COL5A1: variants seen among roughly 807,000 people sequenced by gnomAD.
The protein encoded by COL5A1 is collagen alpha-1(V) chain.
COL5A1 carries 16 observed loss-of-function variants against 263.7 expected under a neutral mutation model. The ratio of observed to expected loss-of-function variants is 0.06; its 90% CI spans 0.04 to 0.09. The LOEUF (loss-of-function observed/expected upper bound fraction) is 0.09, where lower values mean the gene tolerates loss of function less well. Ranked by LOEUF, COL5A1 falls within the 10% of genes least tolerant of loss-of-function variation. The pLI is 1.00. For missense variants in COL5A1, 2,036 were observed against 2,540.5 expected (o/e 0.80, Z 4.27); for synonymous variants, 1,012 against 1,004.5 (o/e 1.01, Z -0.14).
chr9:134,826,670 TGTATGGGTGGTGGATGG>T (rs1839280212), intron 63 of COL5A1, among the ~76,000 whole-genome samples: 1 of 142,428 alleles, frequency 7.0e-6, no homozygotes, highest in African/African-American at 2.9e-5. Flanking sequence ...GATGGGTGTG[TGTATGGGTGGTGGATGG>T]GTGCGTGTGG....
At chr9:134,708,332 A>G (rs554424793) in intron 4 of COL5A1, 91 of 318,194 alleles carry the variant, frequency 2.9e-4, no homozygotes, top group African/African-American at 1.9e-3. Flanking sequence ...TCTCGGAGGC[A>G]GTGTGTGCCT....
At position 134,843,633 on chromosome 9, in the gene COL5A1, A is replaced by G. The variant is rs916439449; in HGVS notation, c.*1330A>G. The G allele has an allele frequency of 1.2e-4, 18 of 152,660 alleles. No individual in the cohort carries two copies. The highest frequency in any genetic ancestry group is 3.9e-4 in the African/African-American group (16 of 41,454). The allele number at this position is 152,660 out of a possible 1,614,324, so 9.5% of individuals were successfully genotyped here. A position where few individuals can be genotyped will look rare whatever the true frequency, so the allele number is the denominator to read the frequency against. ...CTGGGTTGTGCCTACTTGATTTGAA[A>G]ACACACACAAGCAATAAAAAGCCTC... On this transcript the variant is annotated 3_prime_UTR_variant, in exon 66 of 66. Coordinates refer to ENST00000371817, the MANE Select transcript of COL5A1 (RefSeq NM_000093.5).
intron 1 of COL5A1, among the ~76,000 whole-genome samples, chr9:134,665,475 T>A (rs531029943): frequency 2.6e-5 from 4 of 152,326 alleles, no homozygotes; most frequent in African/African-American, 9.6e-5. Context: ...CCATCTCTAC[T>A]CAAAGAAAAG....
intron 1 of COL5A1, among the ~76,000 whole-genome samples, chr9:134,651,578 T>C (rs924672851): frequency 6.6e-6 from 1 of 152,250 alleles, no homozygotes; most frequent in African/African-American, 2.4e-5. Flanking sequence ...AGCTGTAGTT[T>C]CGTCTTTCTT....
intron 9 of COL5A1, 29 bp from the exon 10 acceptor site, chr9:134,738,445 T>C (rs1378714201): frequency 8.1e-6 from 13 of 1,613,824 alleles, no homozygotes; most frequent in Non-Finnish European, 1.1e-5. Flanking sequence ...TGGGCTGCGG[T>C]CTCAGACGCC....
intron 1 of COL5A1, among the ~76,000 whole-genome samples, chr9:134,670,400 G>A (rs773825673): frequency 6.6e-6 from 1 of 152,196 alleles, no homozygotes; most frequent in Non-Finnish European, 1.5e-5. Context: ...TGTGCCCCAG[G>A]CAGTGTTATC....
chr9:134,760,554 GCACATACACACCCACACAC>G (rs1836347636), intron 18 of COL5A1, among the ~76,000 whole-genome samples: 15 of 40,720 alleles, frequency 3.7e-4, no homozygotes, highest in Admixed American at 3.3e-3. Flanking sequence ...ACACACACAC[GCACATACACACCCACACAC>G]CCCCACACTC....
rs1223964610 is a variant in COL5A1 at position 134,750,821 on chromosome 9, C to A, written c.1601C>A (p.Ser534Tyr). The change falls in exon 13 of 66, where the codon TCC (serine) becomes TAC (tyrosine). Residue 534 changes from serine (S) to tyrosine (Y), a missense_variant. Ser to Tyr is a moderately radical substitution (Grantham distance 144, BLOSUM62 -2). Transcript: ENST00000371817. The stretch of plus-strand genomic sequence containing the variant: ...TTTGGAGGTGGCGGCGATGCGGGCT[C>A]CAAAGGCCCCATGGTCTCAGCCCAG... ...FRFGGGGDAG[S>Y]KGPMVSAQES... 6.2e-7 allele frequency: 1 copy of A among 1,613,260 alleles called. No homozygotes were observed. Among genetic ancestry groups the A allele is most frequent in the Admixed American group, 1.7e-5 (1 of 60,028 alleles).
intron 1 of COL5A1, among the ~76,000 whole-genome samples, chr9:134,685,450 A>C (rs796117622): frequency 0.068 from 61 of 896 alleles, no homozygotes; most frequent in Non-Finnish European, 0.089. Context: ...ATTGTCCATC[A>C]TCCATCCATC....
intron 11 of COL5A1, among the ~76,000 whole-genome samples, chr9:134,747,916 C>T (rs1025249172): frequency 1.4e-5 from 2 of 148,018 alleles, no homozygotes; most frequent in Non-Finnish European, 3.0e-5. Flanking sequence ...GACACATGCA[C>T]ACATGCATTC....
chr9:134,756,703 G>T, intron 16 of COL5A1, 62 bp from the exon 17 acceptor site: 2 of 1,553,628 alleles, frequency 1.3e-6, no homozygotes, highest in African/African-American at 2.7e-5. Context: ...GAAAACCATG[G>T]CCCGGGGGTC....
In COL5A1 at chr9:134,754,251, C is replaced by T. The variant is rs1238467310; in HGVS notation, c.1774-22C>T. Reference sequence around the variant, plus strand: ...GAGAAAGGCGGACTCGCCACTGACCCTTTGTCTCTTACCCCTGGCAGGGTC... The same window carrying T: ...GAGAAAGGCGGACTCGCCACTGACCTTTTGTCTCTTACCCCTGGCAGGGTC... On this transcript the variant is annotated intron_variant, in intron 15 of 65. Transcript: ENST00000371817. This position sits in a 1 kb window ranked among gnomAD's most constrained non-coding sequence, Gnocchi z 4.3. 2.5e-6 allele frequency: 4 copies of T among 1,613,172 alleles called. No individual in the cohort carries two copies. The Admixed American group carries it at 5.0e-5, about 20-fold the overall frequency.
rs1277090123 is a variant in COL5A1 at position 134,642,486 on chromosome 9, G to A, written c.109+190G>A. ...ACACGCAGACACAATGCCCGCGGGC[G>A]CGCCGCCGCCCCCTCCCCAGACGGG... On this transcript the variant is annotated intron_variant, in intron 1 of 65. Transcript: ENST00000371817. The surrounding 1 kb of genome is among the most constrained non-coding windows in gnomAD (Gnocchi z 4.5). Among the ~76,000 whole-genome samples, 1 of 151,084 alleles carries A rather than the reference G, an allele frequency of 6.6e-6. No homozygotes were observed. The highest frequency in any genetic ancestry group is 1.5e-5 in the Non-Finnish European group (1 of 67,494).
At chr9:134,645,304 C>A (rs988659470) in intron 1 of COL5A1, among the ~76,000 whole-genome samples, 1 of 152,250 alleles carries the variant, frequency 6.6e-6, no homozygotes, top group African/African-American at 2.4e-5. Flanking sequence ...CCGTCCCGCC[C>A]TGCCTTCTCG....
At chr9:134,660,042 A>C (rs1832156312) in intron 1 of COL5A1, among the ~76,000 whole-genome samples, 1 of 152,326 alleles carries the variant, frequency 6.6e-6, no homozygotes, top group Non-Finnish European at 1.5e-5. Flanking sequence ...CAGATGTTTC[A>C]GGAACTGAGC....
chr9:134,680,457 C>G lies in COL5A1; in HGVS notation c.110-10455C>G, dbSNP rs1488002882. On this transcript the variant is annotated intron_variant, in intron 1 of 65. Transcript: ENST00000371817. The surrounding 1 kb of genome is among the most constrained non-coding windows in gnomAD (Gnocchi z 5.9). ...GGTGCGAGCTCCCTGCCCGGCACAC[C>G]TGTACCTGTTCCTCCATGACCCATG... Among the ~76,000 whole-genome samples the G allele has an allele frequency of 6.6e-6, 1 of 152,230 alleles. No homozygotes were observed. The highest frequency in any genetic ancestry group is 2.4e-5 in the African/African-American group (1 of 41,458).
At chr9:134,809,013 T>G in intron 42 of COL5A1, 170 bp from the exon 43 acceptor site, 1 of 682,460 alleles carries the variant, frequency 1.5e-6, no homozygotes, top group Admixed American at 2.1e-5. Flanking sequence ...AGGGGCGGGC[T>G]CAGAGTCGGC....
At position 134,755,295 on chromosome 9, in the gene COL5A1, C is replaced by T. The variant is rs1382259086; in HGVS notation, c.1827+969C>T. On this transcript the variant is annotated intron_variant, in intron 16 of 65. Transcript: ENST00000371817. The surrounding 1 kb of genome is among the most constrained non-coding windows in gnomAD (Gnocchi z 4.1). ...TTCCTTAAGGTGTTTTTGTGTGTCTCCGTAAATCCTTCCCACCCAGTTTCA... is the reference window on the plus strand; with the variant it reads ...TTCCTTAAGGTGTTTTTGTGTGTCTTCGTAAATCCTTCCCACCCAGTTTCA... Among the ~76,000 whole-genome samples the T allele has an allele frequency of 6.6e-6, 1 of 152,146 alleles. No homozygotes were observed. The highest frequency in any genetic ancestry group is 1.5e-5 in the Non-Finnish European group (1 of 68,032).
intron 48 of COL5A1, among the ~76,000 whole-genome samples, chr9:134,813,429 C>A (rs1380018110): frequency 6.6e-6 from 1 of 152,222 alleles, no homozygotes; most frequent in Non-Finnish European, 1.5e-5. Flanking sequence ...CCTTCCACCG[C>A]TGCTCATTTT....
Sources: gnomAD v4.1 joint callset for allele counts (sites outside exome capture counted in the v4.1 genomes callset) on GRCh38, gnomAD v4.1.1 for gene constraint, Gnocchi (gnomAD v3.1) non-coding constraint, MANE v1.5 for transcripts, NCBI Gene and HGNC (gene_info 2026-07-23, HGNC 2026-07-21) for gene names.